GULP1: variants seen among roughly 807,000 people sequenced by gnomAD.
GULP1 encodes GULP PTB domain containing engulfment adaptor 1.
In GULP1, 19 loss-of-function variants were observed where a neutral mutation model predicts 40.9. The ratio of observed to expected loss-of-function variants is 0.46; its 90% CI spans 0.32 to 0.68. GULP1 has a LOEUF of 0.68. GULP1 is among the 30% of genes least tolerant of loss of function. The pLI, the probability that GULP1 is intolerant of heterozygous loss-of-function variation, is 0.03. For synonymous variants in GULP1, 119 were observed against 117.6 expected, an observed-to-expected ratio of 1.01 and a Z score of -0.08; for missense variants, 312 against 362.2, an observed-to-expected ratio of 0.86 and a Z score of 1.12.
chr2:188,483,733 T>C (rs947290494), intron 4 of GULP1, among the ~76,000 whole-genome samples: 1 of 152,132 alleles, frequency 6.6e-6, no homozygotes, highest in African/African-American at 2.4e-5. Flanking sequence ...AAGTGATTTT[T>C]GTTATTGTTA....
rs1398945821 is a variant in GULP1, at chr2:188,554,090, G to A, written c.399+12772G>A. 1.3e-5 allele frequency among the ~76,000 whole-genome samples: 2 copies of A among 151,444 alleles called. 1 individual carries two copies. Among genetic ancestry groups the A allele is most frequent in the Non-Finnish European group, 2.9e-5 (2 of 67,840 alleles). ...ATTTCTCAATTTTACTTATTTCAAA[G>A]AACCAATTTTTTGTTTGTTTGATCT... On this transcript the variant is annotated intron_variant, in intron 7 of 11. Transcript: ENST00000409830.
intron 2 of GULP1, among the ~76,000 whole-genome samples, chr2:188,446,979 T>A (rs1388648138): frequency 6.6e-6 from 1 of 152,070 alleles, no homozygotes; most frequent in Non-Finnish European, 1.5e-5. Flanking sequence ...CCTGAGAACA[T>A]CTGTTCAAGG....
chr2:188,408,495 A>C (rs1217814914), intron 2 of GULP1, among the ~76,000 whole-genome samples: 17 of 152,206 alleles, frequency 1.1e-4, no homozygotes. Context: ...TATGTACCAA[A>C]CAGTGGAGCA....
At chr2:188,585,575 G>T (rs748111156) in intron 10 of GULP1, among the ~76,000 whole-genome samples, 1 of 152,186 alleles carries the variant, frequency 6.6e-6, no homozygotes, top group Non-Finnish European at 1.5e-5. Flanking sequence ...AGCCACCAAG[G>T]CTTAGGGCTT....
intron 7 of GULP1, among the ~76,000 whole-genome samples, chr2:188,552,942 C>A (rs2153381397): frequency 6.6e-6 from 1 of 150,510 alleles, no homozygotes; most frequent in African/African-American, 2.4e-5. Flanking sequence ...CATGTGTATA[C>A]TTATTGCGCT....
chr2:188,345,689 G>A lies in GULP1; in HGVS notation c.-171-38074G>A, dbSNP rs563703057. Among the ~76,000 whole-genome samples, 8 of 152,304 alleles carry A rather than the reference G, an allele frequency of 5.3e-5. No homozygotes were observed. In the East Asian group the frequency reaches 1.5e-3, roughly 29 times the overall value. Reference sequence around the variant, plus strand: ...GGCCACTCTTTCAAGAAGGCTAGCTGTGAATGGAAAGAGGCAGGATGAAGA... The same window carrying A: ...GGCCACTCTTTCAAGAAGGCTAGCTATGAATGGAAAGAGGCAGGATGAAGA... On this transcript the variant is annotated intron_variant, in intron 1 of 11. Transcript: ENST00000409830.
intron 2 of GULP1, among the ~76,000 whole-genome samples, chr2:188,438,857 G>T (rs912488798): frequency 2.6e-5 from 4 of 151,872 alleles, no homozygotes; most frequent in Non-Finnish European, 5.9e-5. Context: ...ATGTTTTCAT[G>T]TCTGTAACAA....
intron 5 of GULP1, among the ~76,000 whole-genome samples, chr2:188,526,099 TATA>T (rs773422304): frequency 2.9e-4 from 44 of 152,128 alleles, no homozygotes; most frequent in Non-Finnish European, 6.2e-4. Context: ...ATAGAAATTA[TATA>T]ATAAGATTGA....
At chr2:188,506,040 G>A (rs1244230873) in intron 4 of GULP1, among the ~76,000 whole-genome samples, 2 of 151,710 alleles carry the variant, frequency 1.3e-5, no homozygotes, top group East Asian at 3.9e-4. Flanking sequence ...ATTAAATTTA[G>A]GAAAGAAGTT....
At chr2:188,418,767 AAATGTGT>A (rs1202617370) in intron 2 of GULP1, among the ~76,000 whole-genome samples, 8 of 152,380 alleles carry the variant, frequency 5.3e-5, no homozygotes, top group African/African-American at 1.9e-4. Flanking sequence ...GTAAACTTTT[AAATGTGT>A]AATACATTAT....
At chr2:188,475,519 CT>C (rs2060940252) in intron 2 of GULP1, among the ~76,000 whole-genome samples, 1 of 151,598 alleles carries the variant, frequency 6.6e-6, no homozygotes, top group African/African-American at 2.4e-5. Context: ...TATTAAACTC[CT>C]TTTTTTATAT....
chr2:188,574,108 T>C (rs570452526), intron 9 of GULP1, among the ~76,000 whole-genome samples: 3 of 152,276 alleles, frequency 2.0e-5, no homozygotes, highest in African/African-American at 7.2e-5. Context: ...CACTAAGCAA[T>C]TGCTAGTCAA....
chr2:188,582,301 G>A (rs929015094), intron 9 of GULP1: 1 of 461,466 alleles, frequency 2.2e-6, no homozygotes, highest in African/African-American at 2.0e-5. Context: ...CTCCATGCCT[G>A]CCCTCTTAGG....
chr2:188,301,630 A>G (rs1196359543), intron 1 of GULP1, among the ~76,000 whole-genome samples: 4 of 152,166 alleles, frequency 2.6e-5, no homozygotes, highest in Non-Finnish European at 5.9e-5. Context: ...TGGTGTTTCT[A>G]TGCCCCTTGG....
At chr2:188,419,150 G>A (rs1165880430) in intron 2 of GULP1, among the ~76,000 whole-genome samples, 1 of 152,170 alleles carries the variant, frequency 6.6e-6, no homozygotes, top group Non-Finnish European at 1.5e-5. Flanking sequence ...AATGTGAAGT[G>A]TTGCACTGTA....
At chr2:188,445,225 C>G (rs571320301) in intron 2 of GULP1, among the ~76,000 whole-genome samples, 11 of 152,066 alleles carry the variant, frequency 7.2e-5, no homozygotes, top group African/African-American at 2.4e-4. Context: ...CTTGCTAACT[C>G]TGTCTTGCAA....
chr2:188,308,003 TGA>T (rs1479575288), intron 1 of GULP1, among the ~76,000 whole-genome samples: 2 of 94,000 alleles, frequency 2.1e-5, no homozygotes, highest in Admixed American at 1.2e-4. Flanking sequence ...TAGACAAGGA[TGA>T]GTACATTATA....
chr2:188,366,239 A>T (rs1402337117), intron 1 of GULP1, among the ~76,000 whole-genome samples: 1 of 152,116 alleles, frequency 6.6e-6, no homozygotes, highest in African/African-American at 2.4e-5. Context: ...AAACAAAACA[A>T]AGCAAAGCCC....
chr2:188,584,648 ATTAC>A (rs1300362835), intron 10 of GULP1, among the ~76,000 whole-genome samples: 1 of 151,806 alleles, frequency 6.6e-6, no homozygotes, highest in African/African-American at 2.4e-5. Context: ...GTTTTGGTGT[ATTAC>A]TTCATATTTA....
Sources: allele counts gnomAD v4.1 joint callset (sites outside exome capture counted in the v4.1 genomes callset), GRCh38; gene constraint gnomAD v4.1.1; transcripts MANE v1.5; gene names NCBI Gene and HGNC (gene_info 2026-07-23, HGNC 2026-07-21).